Variants in ST6GALNAC3 observed in about 807,000 individuals in gnomAD.
ST6GALNAC3 encodes the protein alpha-N-acetylgalactosaminide alpha-2,6-sialyltransferase 3.
ST6GALNAC3 carries 25 observed loss-of-function variants against 32.7 expected under a neutral mutation model. The observed-to-expected ratio is 0.76, with a 90% CI of 0.56 to 1.07. The LOEUF (loss-of-function observed/expected upper bound fraction) is 1.07, where lower values mean the gene tolerates loss of function less well. ST6GALNAC3 is among the 50% of genes least tolerant of loss of function. The pLI is 0.00. For synonymous variants in ST6GALNAC3, 129 were observed against 133.1 expected (o/e 0.97, Z 0.21); for missense variants, 355 against 382.4 (o/e 0.93, Z 0.60).
chr1:76,375,350 G>A (rs1245451935), intron 2 of ST6GALNAC3, among the ~76,000 whole-genome samples: 1 of 152,112 alleles, frequency 6.6e-6, no homozygotes, highest in African/African-American at 2.4e-5. Context: ...AGAAGAGAAG[G>A]TGTTCTAGGT....
At chr1:76,566,823 C>T (rs1047096392) in intron 3 of ST6GALNAC3, among the ~76,000 whole-genome samples, 2 of 152,152 alleles carry the variant, frequency 1.3e-5, no homozygotes, top group African/African-American at 4.8e-5. Context: ...TTATTCATTG[C>T]TGAATGTTCA....
At position 76,629,025 on chromosome 1, in the gene ST6GALNAC3, A is replaced by G; in HGVS notation, c.*219A>G. On this transcript the variant is annotated 3_prime_UTR_variant, in exon 5 of 5. Transcript: ENST00000328299. ...TCATGATGTTCTTTCTGGAGGTTCA[A>G]CACTACGTACCGCACTTTATAATTT... 1.3e-5 allele frequency: 18 copies of G among 1,356,000 alleles called. No homozygotes were observed. Among genetic ancestry groups the G allele is most frequent in the Admixed American group, 3.6e-5 (1 of 27,922 alleles). 84.0% of individuals were successfully genotyped at this position (1,356,000 alleles called of 1,614,324 possible). A position where few individuals can be genotyped will look rare whatever the true frequency, so the allele number is the denominator to read the frequency against.
At chr1:76,382,344 T>G (rs1218973501) in intron 2 of ST6GALNAC3, among the ~76,000 whole-genome samples, 2 of 152,148 alleles carry the variant, frequency 1.3e-5, no homozygotes, top group African/African-American at 4.8e-5. Context: ...CAACTATGAT[T>G]AATATGTGTA....
chr1:76,320,458 A>G (rs1646944803), intron 2 of ST6GALNAC3, among the ~76,000 whole-genome samples: 1 of 151,980 alleles, frequency 6.6e-6, no homozygotes, highest in African/African-American at 2.4e-5. Flanking sequence ...CATACTATGT[A>G]GGGGGTCACT....
intron 1 of ST6GALNAC3, among the ~76,000 whole-genome samples, chr1:76,255,848 G>C (rs1026433360): frequency 6.6e-6 from 1 of 151,752 alleles, no homozygotes; most frequent in Non-Finnish European, 1.5e-5. Flanking sequence ...AAGGATGAAA[G>C]AAAAGGGCAA....
At chr1:76,580,508 A>G (rs375657679) in intron 3 of ST6GALNAC3, among the ~76,000 whole-genome samples, 1 of 152,278 alleles carries the variant, frequency 6.6e-6, no homozygotes, top group Admixed American at 6.5e-5. Flanking sequence ...GTTTTCAACA[A>G]CCTGTTTTAT....
At chr1:76,404,586 G>A (rs992168875) in intron 2 of ST6GALNAC3, among the ~76,000 whole-genome samples, 7 of 152,040 alleles carry the variant, frequency 4.6e-5, no homozygotes, top group South Asian at 2.1e-4. Context: ...CCCCAATGCC[G>A]TCATTATACA....
At chr1:76,396,644 T>C (rs1044150621) in intron 2 of ST6GALNAC3, among the ~76,000 whole-genome samples, 1 of 152,190 alleles carries the variant, frequency 6.6e-6, no homozygotes, top group African/African-American at 2.4e-5. Context: ...AATTAGGTCT[T>C]TGAAACTAAA....
chr1:76,574,489 A>T (rs1281991751), intron 3 of ST6GALNAC3, among the ~76,000 whole-genome samples: 1 of 151,146 alleles, frequency 6.6e-6, no homozygotes, highest in Non-Finnish European at 1.5e-5. Flanking sequence ...AGCAGTAATT[A>T]TCAGCCTCTT....
At chr1:76,233,544 T>A (rs981184621) in intron 1 of ST6GALNAC3, among the ~76,000 whole-genome samples, 1 of 152,188 alleles carries the variant, frequency 6.6e-6, no homozygotes, top group East Asian at 1.9e-4. Flanking sequence ...ACTGGTATGG[T>A]TGGACAGTTT....
intron 1 of ST6GALNAC3, among the ~76,000 whole-genome samples, chr1:76,273,383 T>C (rs565032194): frequency 6.6e-5 from 10 of 151,984 alleles, no homozygotes; most frequent in African/African-American, 2.4e-4. Context: ...ATATTCACAA[T>C]AAATAGTGAA....
At position 76,164,588 on chromosome 1, in the gene ST6GALNAC3, G is replaced by T. The variant is rs1046212447; in HGVS notation, c.18+89704G>T. ...TTTCATTAAATATTGTTAGTCCAGT[G>T]ATTACTTGGTTGGTTATGCAGTTCT... On this transcript the variant is annotated intron_variant, in intron 1 of 4. Transcript: ENST00000328299. Among the ~76,000 whole-genome samples the T allele has an allele frequency of 2.6e-4, 40 of 152,142 alleles. 1 individual carries two copies. The highest frequency in any genetic ancestry group is 2.5e-3 in the Admixed American group (38 of 15,264).
chr1:76,532,567 C>T (rs1031077870), intron 3 of ST6GALNAC3, among the ~76,000 whole-genome samples: 7 of 152,050 alleles, frequency 4.6e-5, no homozygotes, highest in African/African-American at 1.7e-4. Context: ...TGTGAAGAGT[C>T]ACATACTATA....
At chr1:76,568,211 A>C (rs1227774486) in intron 3 of ST6GALNAC3, among the ~76,000 whole-genome samples, 1 of 152,136 alleles carries the variant, frequency 6.6e-6, no homozygotes, top group African/African-American at 2.4e-5. Context: ...TGTAAGGCTT[A>C]GAGAGGTCTA....
chr1:76,485,250 G>C (rs1660031718), intron 3 of ST6GALNAC3, among the ~76,000 whole-genome samples: 1 of 152,196 alleles, frequency 6.6e-6, no homozygotes, highest in African/African-American at 2.4e-5. Flanking sequence ...ATGAGTTAGG[G>C]AGGTTTCCCT....
chr1:76,578,520 ATTTG>A (rs1646845222), intron 3 of ST6GALNAC3, among the ~76,000 whole-genome samples: 1 of 151,904 alleles, frequency 6.6e-6, no homozygotes, highest in African/African-American at 2.4e-5. Context: ...TTATTGCTTG[ATTTG>A]TTGGATTGGA....
intron 3 of ST6GALNAC3, among the ~76,000 whole-genome samples, chr1:76,558,954 A>G (rs1432480828): frequency 6.6e-6 from 1 of 152,188 alleles, no homozygotes; most frequent in African/African-American, 2.4e-5. Flanking sequence ...AAAAGAAAAA[A>G]GAGGAGGCAA....
In ST6GALNAC3 at chr1:76,551,399, T is replaced by C. The variant is rs371200564; in HGVS notation, c.624-76053T>C. ...AATTAGAAAGTAATTTTGTAATTTA[T>C]TCCACAGAGGCCCACACATGTTTCT... is the stretch of plus-strand genomic sequence containing the variant. On this transcript the variant is annotated intron_variant, in intron 3 of 4. Transcript: ENST00000328299. Among the ~76,000 whole-genome samples, 124 of 152,362 alleles carry C rather than the reference T, an allele frequency of 8.1e-4. 2 individuals carry two copies. The South Asian group carries it at 0.024, about 29-fold the overall frequency.
intron 1 of ST6GALNAC3, among the ~76,000 whole-genome samples, chr1:76,259,438 T>C (rs1305132998): frequency 2.0e-5 from 3 of 152,192 alleles, no homozygotes; most frequent in African/African-American, 7.2e-5. Flanking sequence ...ATCTATCACA[T>C]GCAGTGTTGG....
Sources: gnomAD v4.1 joint callset for allele counts (sites outside exome capture counted in the v4.1 genomes callset) on GRCh38, gnomAD v4.1.1 for gene constraint, MANE v1.5 for transcripts, NCBI Gene and HGNC (gene_info 2026-07-23, HGNC 2026-07-21) for gene names.